The following LAMA1 variants were observed in gnomAD, a reference collection of about 807,000 sequenced individuals.
LAMA1 encodes the protein laminin subunit alpha-1.
Under a neutral mutation model 348.7 loss-of-function variants are expected in LAMA1, and 219 were observed. That is an observed-to-expected ratio of 0.63 (90% CI 0.56 to 0.70). The LOEUF is 0.70. Ranked by LOEUF, LAMA1 falls within the 30% of genes least tolerant of loss-of-function variation. LAMA1 has a pLI of 0.00. For synonymous variants in LAMA1, 1,487 were observed against 1,491.0 expected (o/e 1.00, Z 0.06); for missense variants, 3,744 against 3,888.0 (o/e 0.96, Z 0.99).
intron 29 of LAMA1, among the ~76,000 whole-genome samples, chr18:7,002,897 T>C (rs79465474): frequency 6.8e-6 from 1 of 147,134 alleles, no homozygotes; most frequent in African/African-American, 2.6e-5. Context: ...TTTTTTTTTT[T>C]AAGGACGAGG....
chr18:7,097,498 G>A (rs1427933073), intron 1 of LAMA1, among the ~76,000 whole-genome samples: 1 of 108,476 alleles, frequency 9.2e-6, no homozygotes, highest in Non-Finnish European at 1.8e-5. Flanking sequence ...ATCTCAGCTG[G>A]CTTTTTTTTT....
At chr18:6,987,186 A>G (rs1311259700) in intron 36 of LAMA1, among the ~76,000 whole-genome samples, 1 of 152,214 alleles carries the variant, frequency 6.6e-6, no homozygotes, top group African/African-American at 2.4e-5. Context: ...GAACACTTAA[A>G]CTTTCTAATA....
chr18:6,964,827 G>C lies in LAMA1; in HGVS notation c.7196-24C>G, dbSNP rs1020606152. The C allele has an allele frequency of 3.7e-6, 6 of 1,613,522 alleles. No homozygotes were observed. In the African/African-American group the frequency reaches 5.3e-5, roughly 14 times the overall value. ...TCCTAAAAGGAGAGCACAGGCAAGAGATAAGAAAAGGAAAATCCCTTTCCA... is the reference window on the plus strand; with the variant it reads ...TCCTAAAAGGAGAGCACAGGCAAGACATAAGAAAAGGAAAATCCCTTTCCA... On this transcript the variant is annotated intron_variant, in intron 50 of 62. Coordinates refer to ENST00000389658, the MANE Select transcript of LAMA1 (RefSeq NM_005559.4).
At chr18:7,082,742 A>G (rs2058197934) in intron 1 of LAMA1, among the ~76,000 whole-genome samples, 1 of 152,250 alleles carries the variant, frequency 6.6e-6, no homozygotes, top group South Asian at 2.1e-4. Flanking sequence ...CATACATGCA[A>G]TTAGATTTAC....
chr18:7,069,217 C>T (rs962424641), intron 3 of LAMA1, among the ~76,000 whole-genome samples: 2 of 152,300 alleles, frequency 1.3e-5, no homozygotes, highest in South Asian at 2.1e-4. Context: ...AAATATAAAT[C>T]GTATCAAGAA....
At chr18:7,059,653 C>T (rs2058095049) in intron 3 of LAMA1, among the ~76,000 whole-genome samples, 1 of 152,170 alleles carries the variant, frequency 6.6e-6, no homozygotes, top group Admixed American at 6.5e-5. Flanking sequence ...CTCTCCTCTC[C>T]ACAGAAAGTG....
intron 57 of LAMA1, among the ~76,000 whole-genome samples, chr18:6,953,096 T>G (rs12956355): frequency 1.5e-5 from 2 of 131,032 alleles, no homozygotes; most frequent in East Asian, 2.4e-4. Context: ...CTGTGTCCAG[T>G]GGATCCACAC....
At chr18:7,024,865 C>T (rs993971164) in intron 17 of LAMA1, among the ~76,000 whole-genome samples, 2 of 152,192 alleles carry the variant, frequency 1.3e-5, no homozygotes, top group African/African-American at 4.8e-5. Context: ...ACTGACTTCC[C>T]ACCTCAGAGC....
intron 3 of LAMA1, among the ~76,000 whole-genome samples, chr18:7,057,305 T>C (rs1332295860): frequency 6.6e-6 from 1 of 152,104 alleles, no homozygotes; most frequent in Admixed American, 6.6e-5. Context: ...ACAGCAGGGA[T>C]TGAACCCAGG....
intron 17 of LAMA1, 92 bp from the exon 18 acceptor site, chr18:7,024,558 T>G: frequency 9.7e-7 from 1 of 1,029,870 alleles, no homozygotes; most frequent in Non-Finnish European, 1.5e-6. Flanking sequence ...ACTCCTGTGC[T>G]TCCAGACCTT....
In LAMA1 at chr18:7,053,780, A is replaced by ATTTTT. The variant is rs371341214; in HGVS notation, c.346-2849_346-2845dup. Among the ~76,000 whole-genome samples, 362 of 138,274 alleles carry ATTTTT rather than the reference A, an allele frequency of 2.6e-3. 4 individuals carry two copies. The highest frequency in any genetic ancestry group is 9.0e-3 in the African/African-American group (330 of 36,832). 90.7% of individuals were successfully genotyped at this position (138,274 alleles called of 152,430 possible). ...TTTATGACAACTCCCTCATTAGAGG[A>ATTTTT]TTTTTTTTTTTTTTTTTTGAGACAA... On this transcript the variant is annotated intron_variant, in intron 3 of 62. Coordinates refer to ENST00000389658, the MANE Select transcript of LAMA1 (RefSeq NM_005559.4).
chr18:7,071,794 T>G lies in LAMA1; in HGVS notation c.345+8181A>C, dbSNP rs559713582. Reference sequence around the variant, plus strand: ...CTTAAGCTTCAGTGAGTCCTACCCTTGAGCAAGCCTCTTAAACTCTCTAAG... The same window carrying G: ...CTTAAGCTTCAGTGAGTCCTACCCTGGAGCAAGCCTCTTAAACTCTCTAAG... On this transcript the variant is annotated intron_variant, in intron 3 of 62. Coordinates refer to ENST00000389658, the MANE Select transcript of LAMA1 (RefSeq NM_005559.4). 2.6e-5 allele frequency among the ~76,000 whole-genome samples: 4 copies of G among 152,324 alleles called. No individual in the cohort carries two copies. In the South Asian group the frequency reaches 8.3e-4, roughly 32 times the overall value.
chr18:7,050,931 A>G lies in LAMA1; in HGVS notation c.351T>C (p.Phe117=). Residue 117 remains phenylalanine, a synonymous_variant, in exon 4 of 63, where the codon TTT becomes TTC. Transcript: ENST00000389658. ...VTITLDLRQV[F]QVAYVIIKAA... The stretch of plus-strand genomic sequence containing the variant: ...CTTTAATGATGACATATGCAACTTG[A>G]AAGACCTGAAACAAAGACACTGAAA... 6.2e-7 allele frequency: 1 copy of G among 1,614,154 alleles called. No homozygotes were observed. Among genetic ancestry groups the G allele is most frequent in the Non-Finnish European group, 8.5e-7 (1 of 1,180,022 alleles).
chr18:7,032,780 C>T (rs1470996998), intron 15 of LAMA1, among the ~76,000 whole-genome samples: 1 of 152,138 alleles, frequency 6.6e-6, no homozygotes, highest in Non-Finnish European at 1.5e-5. Flanking sequence ...GAATATTGTC[C>T]GGTGCTCCAG....
rs774126189 is a variant in LAMA1, at chr18:6,961,655, G to A, written c.7557C>T (p.Ser2519=). The change falls in exon 53 of 63, where the codon AGC becomes AGT. Residue 2519 remains serine (S), a synonymous_variant. Coordinates refer to ENST00000389658, the MANE Select transcript of LAMA1 (RefSeq NM_005559.4). ...CGAGGGCAGCCAGGATGATGCCACT[G>A]CTGTTCGTGGTGGCAAATGTTACCA... ...EWLVTFATTN[S]SGIILAALGG... is the part of the protein sequence containing the mutation. The A allele has an allele frequency of 6.2e-7, 1 of 1,614,136 alleles. No individual in the cohort carries two copies. The highest frequency in any genetic ancestry group is 8.5e-7 in the Non-Finnish European group (1 of 1,180,032).
chr18:7,105,570 T>C (rs2058308926), intron 1 of LAMA1, among the ~76,000 whole-genome samples: 1 of 151,998 alleles, frequency 6.6e-6, no homozygotes, highest in African/African-American at 2.4e-5. Context: ...CAAGAGGAGA[T>C]CAGCAGGTTG....
chr18:6,996,987 G>C (rs2057784027), intron 33 of LAMA1, among the ~76,000 whole-genome samples: 1 of 152,118 alleles, frequency 6.6e-6, no homozygotes, highest in African/African-American at 2.4e-5. Context: ...GTGCAGTGAA[G>C]AATAATACAC....
chr18:7,056,593 C>A (rs2058083060), intron 3 of LAMA1, among the ~76,000 whole-genome samples: 1 of 152,174 alleles, frequency 6.6e-6, no homozygotes, highest in African/African-American at 2.4e-5. Flanking sequence ...CCTTCAGCCA[C>A]CCTGCGTGCT....
chr18:6,983,096 T>C lies in LAMA1; in HGVS notation c.5796+3A>G. The C allele has an allele frequency of 1.2e-6, 2 of 1,614,130 alleles. 1 individual carries two copies. The highest frequency in any genetic ancestry group is 1.7e-6 in the Non-Finnish European group (2 of 1,180,016). ...CAGAAAAAGAAGCCACGTCGTTTCC[T>C]ACCAGGCTCGTCTCAGTCACAGTCC... On this transcript the variant is annotated splice_donor_region_variant and intron_variant, in intron 40 of 62. Transcript: ENST00000389658.
Sources: allele counts gnomAD v4.1 joint callset (sites outside exome capture counted in the v4.1 genomes callset), GRCh38; gene constraint gnomAD v4.1.1; transcripts MANE v1.5; gene names NCBI Gene and HGNC (gene_info 2026-07-23, HGNC 2026-07-21).